The following IRAK1BP1 variants were observed in gnomAD, a reference collection of about 807,000 sequenced individuals.
IRAK1BP1 encodes the protein interleukin 1 receptor associated kinase 1 binding protein 1.
Under a neutral mutation model 28.0 loss-of-function variants are expected in IRAK1BP1, and 24 were observed. The observed-to-expected ratio is 0.86, with a 90% CI of 0.62 to 1.20. The LOEUF is 1.20. Ranked by LOEUF, IRAK1BP1 falls within the 50% of genes most tolerant of loss-of-function variation. The pLI, the probability that IRAK1BP1 is intolerant of heterozygous loss-of-function variation, is 0.00. For missense variants in IRAK1BP1, 336 were observed against 316.7 expected (o/e 1.06, Z -0.46); for synonymous variants, 131 against 116.3 (o/e 1.13, Z -0.81).
the IRAK1BP1 span, chr6:78,965,568 T>C: frequency 1.7e-6 from 1 of 600,902 alleles, no homozygotes; most frequent in Non-Finnish European, 3.0e-6. Flanking sequence ...AGGTGTACAA[T>C]AATAAATATT....
the IRAK1BP1 span, chr6:78,970,693 A>ATT: frequency 3.8e-6 from 3 of 792,440 alleles, no homozygotes; most frequent in South Asian, 5.3e-5. Context: ...GCAGTTTCTT[A>ATT]TTGTGTTAAT....
At chr6:78,964,136 CAA>C in the IRAK1BP1 span, among the ~76,000 whole-genome samples, 2 of 151,952 alleles carry the variant, frequency 1.3e-5, no homozygotes, top group Non-Finnish European at 2.9e-5. Context: ...ATGAGAGAAA[CAA>C]AACAAAAACA....
intron 4 of IRAK1BP1, among the ~76,000 whole-genome samples, chr6:78,913,057 C>T (rs1008999085): frequency 2.6e-5 from 4 of 152,102 alleles, no homozygotes; most frequent in South Asian, 2.1e-4. Flanking sequence ...AAGTCATGGC[C>T]GGGTGCGGTA....
intron 2 of IRAK1BP1, among the ~76,000 whole-genome samples, chr6:78,895,530 G>T (rs1483108506): frequency 1.3e-5 from 2 of 152,108 alleles, no homozygotes; most frequent in African/African-American, 4.8e-5. Flanking sequence ...TCCTTTACAT[G>T]CAGGTATAAA....
At chr6:78,878,082 CA>C (rs1335003112) in intron 1 of IRAK1BP1, among the ~76,000 whole-genome samples, 1 of 152,150 alleles carries the variant, frequency 6.6e-6, no homozygotes, top group Non-Finnish European at 1.5e-5. Context: ...CATAGCTGAA[CA>C]AAAGGCAGCA....
At chr6:78,962,708 T>G in the IRAK1BP1 span, among the ~76,000 whole-genome samples, 1 of 152,136 alleles carries the variant, frequency 6.6e-6, no homozygotes, top group Non-Finnish European at 1.5e-5. Flanking sequence ...CTCTTTTGTG[T>G]GTGTATATTA....
intron 1 of IRAK1BP1, among the ~76,000 whole-genome samples, chr6:78,880,952 T>G (rs1771208425): frequency 6.6e-6 from 1 of 152,216 alleles, no homozygotes. Context: ...ATGGCCACTT[T>G]GGAAGGTAGT....
chr6:78,964,706 T>A, the IRAK1BP1 span, among the ~76,000 whole-genome samples: 4,804 of 152,268 alleles, frequency 0.032, 91 homozygotes, highest in Middle Eastern at 0.058. Flanking sequence ...TTGGTCAGGC[T>A]GCTCTCCAAC....
At chr6:78,903,983 A>G (rs774867041), downstream of IRAK1BP1, among the ~76,000 whole-genome samples, 5 of 152,098 alleles carry the variant, frequency 3.3e-5, no homozygotes, top group Admixed American at 6.5e-5. Flanking sequence ...TGCTTGAAAC[A>G]GTTTTTTTCC....
the IRAK1BP1 span, among the ~76,000 whole-genome samples, chr6:78,974,703 C>G: frequency 6.6e-6 from 1 of 152,084 alleles, no homozygotes; most frequent in Non-Finnish European, 1.5e-5. Context: ...CACCACCGAT[C>G]CCACAGAAAT....
chr6:78,951,979 C>G, the IRAK1BP1 span, among the ~76,000 whole-genome samples: 883 of 152,264 alleles, frequency 5.8e-3, 13 homozygotes, highest in African/African-American at 0.02. Context: ...AGTCTCAGGT[C>G]TCCTCCATTT....
rs1770631103 is a variant in IRAK1BP1 at position 78,867,756 on chromosome 6, A to G, written c.180A>G (p.Glu60=). The change falls in exon 1 of 4, where the codon GAA becomes GAG. Residue 60 remains glutamate (E), a synonymous_variant. Transcript: ENST00000369940. ...TREVQVSGTS[E]VSAGPDRAQV... ...AGGTGCAAGTAAGCGGCACCTCAGA[A>G]GTGTCTGCGGGCCCTGACCGGGCGC... The G allele has an allele frequency of 1.2e-6, 2 of 1,614,078 alleles. No individual in the cohort carries two copies. The highest frequency in any genetic ancestry group is 1.7e-6 in the Non-Finnish European group (2 of 1,180,036).
intron 4 of IRAK1BP1, among the ~76,000 whole-genome samples, chr6:78,928,198 CA>C (rs1165069930): frequency 6.6e-6 from 1 of 151,956 alleles, no homozygotes; most frequent in Admixed American, 6.6e-5. Context: ...TATCTTTCAC[CA>C]GTGTTTTATA....
intron 4 of IRAK1BP1, chr6:78,939,415 T>C (rs1224333656): frequency 6.6e-6 from 1 of 151,812 alleles, no homozygotes; most frequent in Non-Finnish European, 1.5e-5. Context: ...TAAAACATGA[T>C]TGCATAAAAA....
chr6:78,962,296 C>A, the IRAK1BP1 span, among the ~76,000 whole-genome samples: 3 of 151,992 alleles, frequency 2.0e-5, no homozygotes, highest in Non-Finnish European at 4.4e-5. Context: ...TGATACTGAC[C>A]CAATACACAC....
chr6:78,904,870 C>T (rs900747573), downstream of IRAK1BP1, among the ~76,000 whole-genome samples: 1 of 151,298 alleles, frequency 6.6e-6, no homozygotes, highest in African/African-American at 2.5e-5. Context: ...ATTTCACTAG[C>T]TCAATACGTA....
chr6:78,950,789 C>A (rs1312463754), downstream of IRAK1BP1, among the ~76,000 whole-genome samples: 1 of 151,848 alleles, frequency 6.6e-6, no homozygotes, highest in African/African-American at 2.4e-5. Flanking sequence ...TCTCAAAGAA[C>A]CCAGCTTTCA....
At position 78,898,111 on chromosome 6, in the gene IRAK1BP1, A is replaced by G; in HGVS notation, c.560A>G (p.Gln187Arg). 5 of 1,613,764 alleles carry G rather than the reference A, an allele frequency of 3.1e-6. No individual in the cohort carries two copies. The highest frequency in any genetic ancestry group is 2.5e-6 in the Non-Finnish European group (3 of 1,179,924). Reference protein sequence around the residue: ...VAVENAWRKAQEVCNLVGQTL... With the variant: ...VAVENAWRKAREVCNLVGQTL... ...GTTGAGAATGCGTGGCGCAAAGCTC[A>G]AGAAGTCTGTAACCTTGTTGGCCAA... The change falls in exon 4 of 4, where the codon CAA (glutamine) becomes CGA (arginine). Residue 187 changes from glutamine to arginine, a missense_variant. By Grantham distance (43) the Gln-to-Arg change is conservative (BLOSUM62 1). Coordinates refer to ENST00000369940, the MANE Select transcript of IRAK1BP1 (RefSeq NM_001010844.4).
At chr6:78,873,449 G>A (rs966332843) in intron 1 of IRAK1BP1, among the ~76,000 whole-genome samples, 2 of 151,224 alleles carry the variant, frequency 1.3e-5, no homozygotes, top group African/African-American at 4.9e-5. Flanking sequence ...TTTATTGGGT[G>A]TATTGGGTTC....
Sources: gnomAD v4.1 joint callset for allele counts (sites outside exome capture counted in the v4.1 genomes callset) on GRCh38, gnomAD v4.1.1 for gene constraint, MANE v1.5 for transcripts, NCBI Gene and HGNC (gene_info 2026-07-23, HGNC 2026-07-21) for gene names.